The following RNF128 variants were observed in gnomAD, a reference collection of about 807,000 sequenced individuals.
RNF128 encodes the protein ring finger protein 128, also known as E3 ubiquitin-protein ligase RNF128.
Under a neutral mutation model 26.2 loss-of-function variants are expected in RNF128, and 13 were observed. That is an observed-to-expected ratio of 0.50 (90% CI 0.32 to 0.79). The LOEUF (loss-of-function observed/expected upper bound fraction) is 0.79, where lower values mean the gene tolerates loss of function less well. Among genes scored for constraint, RNF128 ranks in the 30% least tolerant of loss-of-function variants. RNF128 has a pLI of 0.03. For synonymous variants in RNF128, 149 were observed against 142.5 expected, an observed-to-expected ratio of 1.05 and a Z score of -0.32; for missense variants, 315 against 349.7, an observed-to-expected ratio of 0.90 and a Z score of 0.79.
At chrX:106,704,432 AG>A (rs1434765386) in intron 1 of RNF128, among the ~76,000 whole-genome samples, 2,254 of 65,189 alleles carry the variant, frequency 0.035, 84 homozygotes, top group African/African-American at 0.13. Flanking sequence ...ACTCTGTCTC[AG>A]AAAAAAAAAA....
At chrX:106,697,487 GTC>G (rs778456484) in intron 1 of RNF128, among the ~76,000 whole-genome samples, 2 of 111,727 alleles carry the variant, frequency 1.8e-5, no homozygotes, top group Non-Finnish European at 3.8e-5. Context: ...GGGGCAACTT[GTC>G]TCTTTCTCAC....
intron 5 of RNF128, among the ~76,000 whole-genome samples, 172 bp downstream of exon 5, chrX:106,790,454 AT>A (rs1930802443): frequency 9.1e-6 from 1 of 110,229 alleles, no homozygotes; most frequent in Admixed American, 9.8e-5. Context: ...GGCCATCTCC[AT>A]TTTCCTTCTT....
intron 1 of RNF128, among the ~76,000 whole-genome samples, chrX:106,756,127 G>T (rs1930005044): frequency 9.0e-6 from 1 of 111,556 alleles, no homozygotes; most frequent in Admixed American, 9.5e-5. Context: ...CTCATGGGTA[G>T]GAAGAATCAA....
At chrX:106,730,733 A>G (rs1226946479) in intron 1 of RNF128, among the ~76,000 whole-genome samples, 3 of 111,331 alleles carry the variant, frequency 2.7e-5, no homozygotes, top group Non-Finnish European at 5.7e-5. Context: ...TACAACCTTC[A>G]TAATTCATGA....
intron 1 of RNF128, among the ~76,000 whole-genome samples, chrX:106,696,335 G>A (rs1928873007): frequency 9.0e-6 from 1 of 111,060 alleles, no homozygotes; most frequent in African/African-American, 3.3e-5. Context: ...GCCAAATAGT[G>A]TGCCATTGGA....
upstream of RNF128, among the ~76,000 whole-genome samples, chrX:106,721,833 T>C (rs1035726211): frequency 1.2e-4 from 13 of 112,152 alleles, no homozygotes; most frequent in African/African-American, 4.2e-4. Context: ...ATATGGATTT[T>C]GGCAGGTTGC....
At chrX:106,697,291 A>G (rs1928889770) in intron 1 of RNF128, among the ~76,000 whole-genome samples, 1 of 111,930 alleles carries the variant, frequency 8.9e-6, no homozygotes, top group Non-Finnish European at 1.9e-5. Flanking sequence ...TTTTGTGGCG[A>G]GGACACTGTC....
At chrX:106,733,598 A>C in intron 1 of RNF128, among the ~76,000 whole-genome samples, 1 of 112,132 alleles carries the variant, frequency 8.9e-6, no homozygotes, top group East Asian at 2.8e-4. Context: ...TGTAATAGTT[A>C]ATTTTTTATA....
intron 1 of RNF128, chrX:106,694,442 G>A (rs1243490574): frequency 1.4e-5 from 15 of 1,091,039 alleles, no homozygotes; most frequent in Non-Finnish European, 1.7e-5. Flanking sequence ...GAGAGTTAAT[G>A]TCCGTTTATC....
intron 1 of RNF128, among the ~76,000 whole-genome samples, chrX:106,766,361 T>G (rs1930241809): frequency 8.9e-6 from 1 of 112,178 alleles, no homozygotes; most frequent in Non-Finnish European, 1.9e-5. Flanking sequence ...TTTCTCCACA[T>G]CCTCTCCAGT....
intron 2 of RNF128, among the ~76,000 whole-genome samples, chrX:106,780,753 T>C (rs1415726746): frequency 4.5e-5 from 5 of 112,113 alleles, no homozygotes; most frequent in Admixed American, 2.8e-4. Context: ...ATGGAGGCAG[T>C]GTACAATAGT....
chrX:106,741,997 A>T (rs1289819904), intron 1 of RNF128, among the ~76,000 whole-genome samples: 1 of 111,811 alleles, frequency 8.9e-6, no homozygotes, highest in East Asian at 2.8e-4. Flanking sequence ...GGGTCTTTTG[A>T]AAAAGAATAA....
intron 6 of RNF128, among the ~76,000 whole-genome samples, chrX:106,793,102 A>C (rs1322747551): frequency 4.5e-5 from 5 of 111,218 alleles, no homozygotes; most frequent in Admixed American, 1.9e-4. Context: ...AGGGCTTATT[A>C]AAACGGAAAG....
At chrX:106,718,105 C>A (rs1602365900) in intron 1 of RNF128, among the ~76,000 whole-genome samples, 1 of 111,964 alleles carries the variant, frequency 8.9e-6, no homozygotes, top group East Asian at 2.8e-4. Context: ...TGTTTTAAAT[C>A]TAACCAATAG....
Position 106,727,148 on chromosome X carries a change from C to A in RNF128, c.235C>A (p.Pro79Thr), listed in dbSNP as rs1056191745. 8.3e-7 allele frequency: 1 copy of A among 1,209,835 alleles called. No homozygotes were observed. Among genetic ancestry groups the A allele is most frequent in the East Asian group, 3.0e-5 (1 of 33,786 alleles). The change falls in exon 1 of 7, where the codon CCT (proline) becomes ACT (threonine). Residue 79 changes from proline to threonine, a missense_variant. Transcript: ENST00000255499. The part of the protein sequence containing the change: ...GVYGQDSPLE[P>T]VAGVLVPPDG... ...GTACGGCCAGGACTCGCCGCTGGAG[C>A]CTGTGGCTGGGGTCCTGGTACCGCC... is the stretch of plus-strand genomic sequence containing the variant.
intron 2 of RNF128, among the ~76,000 whole-genome samples, chrX:106,775,280 G>C (rs1409290342): frequency 3.6e-5 from 4 of 112,132 alleles, no homozygotes; most frequent in African/African-American, 1.3e-4. Flanking sequence ...ACAATGACAA[G>C]AGTGTTTGGT....
chrX:106,717,708 C>T (rs1218634760), intron 1 of RNF128, among the ~76,000 whole-genome samples: 2 of 112,006 alleles, frequency 1.8e-5, no homozygotes, highest in Non-Finnish European at 3.8e-5. Context: ...TTACTGCTTA[C>T]AATTTTATGT....
intron 1 of RNF128, among the ~76,000 whole-genome samples, chrX:106,734,635 A>C (rs1285190463): frequency 8.9e-6 from 1 of 111,934 alleles, no homozygotes; most frequent in East Asian, 2.8e-4. Context: ...TATACATCCC[A>C]AAAAGGTACA....
intron 1 of RNF128, among the ~76,000 whole-genome samples, chrX:106,732,642 G>A (rs1245101833): frequency 8.9e-6 from 1 of 111,842 alleles, no homozygotes; most frequent in Non-Finnish European, 1.9e-5. Context: ...GAGCCTGGTA[G>A]AAGGAAGAAG....
Sources: gnomAD v4.1 joint callset for allele counts (sites outside exome capture counted in the v4.1 genomes callset) on GRCh38, gnomAD v4.1.1 for gene constraint, MANE v1.5 for transcripts, NCBI Gene and HGNC (gene_info 2026-07-23, HGNC 2026-07-21) for gene names.